The following BET1 variants were observed in gnomAD, a reference collection of about 807,000 sequenced individuals.
BET1 encodes the protein BET1 homolog.
BET1 carries 9 observed loss-of-function variants against 13.9 expected under a neutral mutation model. That is an observed-to-expected ratio of 0.65 (90% CI 0.39 to 1.13). The LOEUF (loss-of-function observed/expected upper bound fraction) is 1.13. Among genes scored for constraint, BET1 ranks in the 50% most tolerant of loss-of-function variants. The pLI, the probability that BET1 is intolerant of heterozygous loss-of-function variation, is 0.01. For missense variants in BET1, 127 were observed against 133.6 expected, an observed-to-expected ratio of 0.95 and a Z score of 0.24; for synonymous variants, 39 against 47.3, an observed-to-expected ratio of 0.82 and a Z score of 0.72.
At chr7:93,978,851 G>A (rs189626504) in intron 4 of BET1, among the ~76,000 whole-genome samples, 1 of 152,268 alleles carries the variant, frequency 6.6e-6, no homozygotes, top group Admixed American at 6.5e-5. Flanking sequence ...ATAAAAAATA[G>A]ATAAGGACAA....
At position 94,004,142 on chromosome 7, in the gene BET1, G is replaced by A. The variant is rs1313736673; in HGVS notation, c.19+56C>T. ...TAAGACAGGTTCGATTTCCTCCCGC[G>A]CCCCAGCGCTCCCGGTTCTAGGGCC... is the stretch of plus-strand genomic sequence containing the variant. On this transcript the variant is annotated intron_variant, in intron 1 of 3. Transcript: ENST00000222547. 9.9e-6 allele frequency: 16 copies of A among 1,613,202 alleles called. No homozygotes were observed. The South Asian group carries it at 1.6e-4, about 17-fold the overall frequency.
intron 4 of BET1, among the ~76,000 whole-genome samples, chr7:93,978,873 C>A (rs1431923380): frequency 6.6e-6 from 1 of 152,072 alleles, no homozygotes; most frequent in East Asian, 1.9e-4. Flanking sequence ...TGAAGGTTGG[C>A]CAGAGAATAA....
chr7:93,998,360 A>G (rs1303750109), intron 2 of BET1, among the ~76,000 whole-genome samples: 2 of 152,328 alleles, frequency 1.3e-5, no homozygotes, highest in South Asian at 2.1e-4. Context: ...GCAAAAAAAC[A>G]GGAACAGATA....
At chr7:93,991,573 A>T, downstream of BET1, 1 of 158,230 alleles carries the variant, frequency 6.3e-6, no homozygotes, top group Non-Finnish European at 1.4e-5. Flanking sequence ...TACTATTTTT[A>T]AATATTTTAT....
At chr7:93,990,477 T>C (rs1795611119), downstream of BET1, among the ~76,000 whole-genome samples, 1 of 152,164 alleles carries the variant, frequency 6.6e-6, no homozygotes, top group African/African-American at 2.4e-5. Context: ...TTTTATGCTA[T>C]GTATTTCATT....
intron 1 of BET1, among the ~76,000 whole-genome samples, chr7:94,001,429 A>C (rs988144586): frequency 7.2e-5 from 11 of 152,204 alleles, no homozygotes; most frequent in Non-Finnish European, 1.2e-4. Flanking sequence ...CCTGTACCTA[A>C]TGAGTACTTT....
Position 93,999,163 on chromosome 7 carries a change from T to C in BET1, c.144+7A>G, listed in dbSNP as rs199587849. On this transcript the variant is annotated splice_region_variant and intron_variant, in intron 2 of 3. Coordinates refer to ENST00000222547, the MANE Select transcript of BET1 (RefSeq NM_005868.6). The stretch of plus-strand genomic sequence containing the variant: ...TAAAACACATATAATATTTGTTATA[T>C]ACTTACAGATTTTATAGCAGTTACT... The C allele has an allele frequency of 1.9e-5, 31 of 1,598,334 alleles. No individual in the cohort carries two copies. Among genetic ancestry groups the C allele is most frequent in the East Asian group, 1.8e-4 (8 of 44,572 alleles).
intron 6 of BET1, among the ~76,000 whole-genome samples, chr7:93,966,037 T>A (rs576338498): frequency 6.6e-5 from 10 of 152,106 alleles, no homozygotes; most frequent in East Asian, 1.9e-4. Context: ...AGGCATTTTT[T>A]AAAAGTGAAC....
chr7:93,987,789 G>A (rs1795554487), intron 4 of BET1, among the ~76,000 whole-genome samples: 2 of 152,158 alleles, frequency 1.3e-5, no homozygotes, highest in South Asian at 2.1e-4. Flanking sequence ...GATGGAAGAG[G>A]AAGAATATTA....
chr7:93,990,168 T>C (rs2116098054), downstream of BET1, among the ~76,000 whole-genome samples: 1 of 152,090 alleles, frequency 6.6e-6, no homozygotes, highest in South Asian at 2.1e-4. Context: ...ATTAAATCTG[T>C]GTATAATCAG....
intron 4 of BET1, among the ~76,000 whole-genome samples, chr7:93,978,962 G>A (rs938476226): frequency 1.3e-5 from 2 of 152,154 alleles, no homozygotes; most frequent in East Asian, 1.9e-4. Flanking sequence ...CTGTCTTCTC[G>A]TGTCTACCAG....
intron 6 of BET1, among the ~76,000 whole-genome samples, chr7:93,971,363 C>T (rs1377177535): frequency 6.6e-6 from 1 of 151,692 alleles, no homozygotes; most frequent in Non-Finnish European, 1.5e-5. Context: ...AATGCATTAG[C>T]AAGTAATAAA....
intron 6 of BET1, among the ~76,000 whole-genome samples, chr7:93,966,571 G>C (rs2116012589): frequency 6.6e-6 from 1 of 150,838 alleles, no homozygotes; most frequent in East Asian, 2.0e-4. Context: ...AATGTCACTT[G>C]AAAGTCTGAC....
At position 93,994,185 on chromosome 7, in the gene BET1, C is replaced by CA; in HGVS notation, c.*44dup. On this transcript the variant is annotated 3_prime_UTR_variant, in exon 4 of 4. Transcript: ENST00000222547. Reference sequence around the variant, plus strand: ...GCTGATTTTTATCAAAGTGGTACTGCAAGCCATTAAGTTGGAACAAATTCC... The same window carrying CA: ...GCTGATTTTTATCAAAGTGGTACTGCAAAGCCATTAAGTTGGAACAAATTCC... The CA allele has an allele frequency of 6.4e-7, 1 of 1,563,562 alleles. No homozygotes were observed. Among genetic ancestry groups the CA allele is most frequent in the Non-Finnish European group, 8.7e-7 (1 of 1,155,232 alleles).
At chr7:93,964,946 C>T (rs1262500931) in exon 7 of BET1, 1 of 152,028 alleles carries the variant, frequency 6.6e-6, no homozygotes, top group African/African-American at 2.4e-5. Context: ...ACAGAACTAC[C>T]ACTTAGCCCA....
At chr7:93,992,971 A>G (rs1342087323), downstream of BET1, 2 of 985,286 alleles carry the variant, frequency 2.0e-6, no homozygotes, top group Non-Finnish European at 2.4e-6. Context: ...CCAAATAATG[A>G]CGAATGAAGC....
Position 93,993,939 on chromosome 7 carries a change from T to C in BET1, c.*291A>G, listed in dbSNP as rs1382810440. 6.5e-7 allele frequency: 1 copy of C among 1,534,948 alleles called. No homozygotes were observed. The highest frequency in any genetic ancestry group is 1.4e-5 in the African/African-American group (1 of 73,020). ...CATTTATGATTACAACAAAATATTA[T>C]AATGCTATTTAATCTGACAGTTGGC... On this transcript the variant is annotated 3_prime_UTR_variant, in exon 4 of 4. Transcript: ENST00000222547.
At chr7:93,983,827 G>T (rs944038056) in intron 4 of BET1, among the ~76,000 whole-genome samples, 3 of 152,130 alleles carry the variant, frequency 2.0e-5, no homozygotes, top group Non-Finnish European at 2.9e-5. Flanking sequence ...CACAGAGCTT[G>T]ACTGCATTGG....
chr7:93,963,573 G>A (rs529906767), exon 7 of BET1: 3 of 152,032 alleles, frequency 2.0e-5, no homozygotes, highest in Non-Finnish European at 4.4e-5. Context: ...TGATGGATAT[G>A]TGGCAGCCAG....
Sources: gnomAD v4.1 joint callset for allele counts (sites outside exome capture counted in the v4.1 genomes callset) on GRCh38, gnomAD v4.1.1 for gene constraint, MANE v1.5 for transcripts, NCBI Gene and HGNC (gene_info 2026-07-23, HGNC 2026-07-21) for gene names.